The following KCNN3 variants were observed in gnomAD, a reference collection of about 807,000 sequenced individuals.
The protein encoded by KCNN3 is small conductance calcium-activated potassium channel protein 3.
KCNN3 carries 16 observed loss-of-function variants against 62.9 expected under a neutral mutation model. The observed-to-expected ratio is 0.25, with a 90% CI of 0.17 to 0.39. The LOEUF (loss-of-function observed/expected upper bound fraction) is 0.39, where lower values mean the gene tolerates loss of function less well. Among genes scored for constraint, KCNN3 ranks in the 10% least tolerant of loss-of-function variants. KCNN3 has a pLI of 1.00. For missense variants in KCNN3, 599 were observed against 949.4 expected, an observed-to-expected ratio of 0.63 and a Z score of 4.85; for synonymous variants, 370 against 389.2, an observed-to-expected ratio of 0.95 and a Z score of 0.58.
intron 6 of KCNN3, among the ~76,000 whole-genome samples, chr1:154,714,612 GGTGT>G (rs200006853): frequency 5.2e-4 from 13 of 24,854 alleles, no homozygotes; most frequent in South Asian, 2.6e-3. Flanking sequence ...TGTGGTGTGT[GGTGT>G]GTGTGTGTGT....
intron 6 of KCNN3, among the ~76,000 whole-genome samples, chr1:154,714,584 TGTATG>T (rs1700188922): frequency 1.0e-5 from 1 of 100,278 alleles, no homozygotes; most frequent in African/African-American, 3.7e-5. Context: ...GTGTGTGGTG[TGTATG>T]GTGTGTGTGA....
intron 1 of KCNN3, among the ~76,000 whole-genome samples, chr1:154,850,623 ATCCAGTGCTT>A (rs1652263898): frequency 1.3e-5 from 2 of 152,150 alleles, no homozygotes; most frequent in Non-Finnish European, 2.9e-5. Flanking sequence ...GATTCCCAAC[ATCCAGTGCTT>A]ACCTTCCCCC....
intron 1 of KCNN3, among the ~76,000 whole-genome samples, chr1:154,829,007 G>A (rs925096220): frequency 1.3e-5 from 2 of 152,196 alleles, no homozygotes; most frequent in Non-Finnish European, 2.9e-5. Context: ...CAAATGCCAG[G>A]GATTCCCCAC....
intron 3 of KCNN3, among the ~76,000 whole-genome samples, chr1:154,741,433 C>T (rs1253616047): frequency 1.3e-5 from 2 of 152,328 alleles, no homozygotes; most frequent in Non-Finnish European, 2.9e-5. Context: ...TGCTGCTTTT[C>T]CTGTCCCTCT....
chr1:154,796,588 C>T (rs1467210583), intron 2 of KCNN3, among the ~76,000 whole-genome samples: 5 of 152,342 alleles, frequency 3.3e-5, no homozygotes, highest in East Asian at 3.9e-4. Context: ...CATAGGCTCA[C>T]GGTGAACTAG....
At chr1:154,764,881 A>G (rs1648184974) in intron 3 of KCNN3, among the ~76,000 whole-genome samples, 1 of 152,164 alleles carries the variant, frequency 6.6e-6, no homozygotes, top group South Asian at 2.1e-4. Flanking sequence ...CTTAATTGTG[A>G]TTCAGTCTTT....
chr1:154,810,269 A>C (rs1264867067), intron 2 of KCNN3, among the ~76,000 whole-genome samples: 1 of 152,122 alleles, frequency 6.6e-6, no homozygotes, highest in African/African-American at 2.4e-5. Flanking sequence ...GAAAGACCAG[A>C]CTCAGCCCAG....
At chr1:154,833,189 A>T (rs1042922662) in intron 1 of KCNN3, among the ~76,000 whole-genome samples, 3 of 152,072 alleles carry the variant, frequency 2.0e-5, no homozygotes, top group Admixed American at 6.6e-5. Flanking sequence ...GGAGAAAACC[A>T]CTACTACCCA....
chr1:154,747,428 C>A (rs540547918), intron 3 of KCNN3, among the ~76,000 whole-genome samples: 3 of 152,152 alleles, frequency 2.0e-5, no homozygotes, highest in Non-Finnish European at 4.4e-5. Context: ...CTCTGCACAG[C>A]GACACACTGG....
chr1:154,704,515 G>T lies in KCNN3; in HGVS notation c.*3461C>A, dbSNP rs1215070185. On this transcript the variant is annotated 3_prime_UTR_variant, in exon 8 of 8. Coordinates refer to ENST00000271915, the MANE Select transcript of KCNN3 (RefSeq NM_002249.6). ...TTCCACTGAGATTAGTGGTCTTAAA[G>T]TATCACAGTACATCCCTGACTTTAC... The T allele has an allele frequency of 6.6e-6, 1 of 152,030 alleles. No individual in the cohort carries two copies. Among genetic ancestry groups the T allele is most frequent in the Admixed American group, 6.6e-5 (1 of 15,254 alleles). 9.4% of individuals were successfully genotyped at this position (152,030 alleles called of 1,614,324 possible). A position where few individuals can be genotyped will look rare whatever the true frequency, so the allele number is the denominator to read the frequency against.
rs1270814388 is a variant in KCNN3 at position 154,870,157 on chromosome 1, T to C, written c.-193A>G. The C allele has an allele frequency of 6.8e-6, 5 of 734,380 alleles. No homozygotes were observed. The African/African-American group carries it at 6.9e-5, about 10-fold the overall frequency. 45.5% of individuals were successfully genotyped at this position (734,380 alleles called of 1,614,324 possible). ...CGCTGCCACTCAAGAATGCATTGTA[T>C]TGGGCAGGGAGGGAGAGCAGGAGGG... On this transcript the variant is annotated 5_prime_UTR_variant, in exon 1 of 8. Coordinates refer to ENST00000271915, the MANE Select transcript of KCNN3 (RefSeq NM_002249.6).
Position 154,762,667 on chromosome 1 carries a change from A to G in KCNN3, c.1448+9308T>C, listed in dbSNP as rs573196078. On this transcript the variant is annotated intron_variant, in intron 3 of 7. Coordinates refer to ENST00000271915, the MANE Select transcript of KCNN3 (RefSeq NM_002249.6). ...AAATCTAAAATTGTGTGTATGATGTAATCAAACACACCAGTTTTTTCCTTC... is the reference window on the plus strand; with the variant it reads ...AAATCTAAAATTGTGTGTATGATGTGATCAAACACACCAGTTTTTTCCTTC... 7.9e-4 allele frequency among the ~76,000 whole-genome samples: 120 copies of G among 152,342 alleles called. 1 individual carries two copies. Among genetic ancestry groups the G allele is most frequent in the African/African-American group, 2.8e-3 (116 of 41,578 alleles).
intron 3 of KCNN3, among the ~76,000 whole-genome samples, chr1:154,768,165 G>A (rs116251768): frequency 0.014 from 2,136 of 152,294 alleles, 49 homozygotes; most frequent in African/African-American, 0.05. Flanking sequence ...ATCAGGCTGA[G>A]AGAGATCAAG....
chr1:154,752,683 C>T (rs928087444), intron 3 of KCNN3, among the ~76,000 whole-genome samples: 1 of 152,190 alleles, frequency 6.6e-6, no homozygotes, highest in African/African-American at 2.4e-5. Flanking sequence ...AAAACAATTC[C>T]TAGCCTCCTA....
chr1:154,838,615 C>G (rs527515423), intron 1 of KCNN3, among the ~76,000 whole-genome samples: 3 of 152,174 alleles, frequency 2.0e-5, no homozygotes, highest in African/African-American at 4.8e-5. Flanking sequence ...TAGCCTTTCC[C>G]GTTCCCAGTC....
At chr1:154,832,437 G>C (rs1041331316) in intron 1 of KCNN3, among the ~76,000 whole-genome samples, 1 of 151,890 alleles carries the variant, frequency 6.6e-6, no homozygotes, top group African/African-American at 2.4e-5. Flanking sequence ...GGCATCCAGG[G>C]TGTACAGAGT....
intron 1 of KCNN3, among the ~76,000 whole-genome samples, chr1:154,829,903 A>G (rs11264270): frequency 0.16 from 24,113 of 152,002 alleles, 3,203 homozygotes; most frequent in East Asian, 0.72. Flanking sequence ...TGACCAGAGC[A>G]CCTTTCACCA....
At chr1:154,738,592 T>C (rs779045759) in intron 3 of KCNN3, among the ~76,000 whole-genome samples, 5 of 152,128 alleles carry the variant, frequency 3.3e-5, no homozygotes, top group Non-Finnish European at 7.4e-5. Flanking sequence ...GAGGCCCTCA[T>C]AGGACAGGTG....
At chr1:154,737,217 G>T (rs1010351813) in intron 3 of KCNN3, 11 of 228,754 alleles carry the variant, frequency 4.8e-5, no homozygotes, top group South Asian at 1.4e-4. Flanking sequence ...GGGGGGGGGG[G>T]ATAGCTCCAT....
Sources: gnomAD v4.1 joint callset for allele counts (sites outside exome capture counted in the v4.1 genomes callset) on GRCh38, gnomAD v4.1.1 for gene constraint, MANE v1.5 for transcripts, NCBI Gene and HGNC (gene_info 2026-07-23, HGNC 2026-07-21) for gene names.